ASB4: variants seen among roughly 807,000 people sequenced by gnomAD.
ASB4 encodes ankyrin repeat and SOCS box containing 4.
In ASB4, 35 loss-of-function variants were observed where a neutral mutation model predicts 38.6. That is an observed-to-expected ratio of 0.91 (90% confidence interval 0.69 to 1.20). ASB4 has a LOEUF of 1.20. ASB4 is among the 50% of genes most tolerant of loss of function. The pLI, the probability that ASB4 is intolerant of heterozygous loss-of-function variation, is 0.00. For synonymous variants in ASB4, 195 were observed against 201.3 expected (o/e 0.97, Z 0.26); for missense variants, 557 against 527.2 (o/e 1.06, Z -0.55).
chr7:95,535,690 A>G (rs1449645408), intron 3 of ASB4, among the ~76,000 whole-genome samples: 1 of 152,082 alleles, frequency 6.6e-6, no homozygotes, highest in Non-Finnish European at 1.5e-5. Flanking sequence ...GCTTTCAAGT[A>G]TTTTTGGTTG....
intron 1 of ASB4, among the ~76,000 whole-genome samples, chr7:95,490,460 G>A (rs1311726042): frequency 6.6e-6 from 1 of 152,192 alleles, no homozygotes; most frequent in Non-Finnish European, 1.5e-5. Flanking sequence ...GCCAAGAATT[G>A]TGCTTCAGTC....
At chr7:95,474,233 T>C (rs141658798), upstream of ASB4, among the ~76,000 whole-genome samples, 2 of 152,334 alleles carry the variant, frequency 1.3e-5, no homozygotes, top group African/African-American at 4.8e-5. Flanking sequence ...AGTTTAATAA[T>C]TGTCTCTGCC....
chr7:95,507,619 C>G (rs1481558185), intron 2 of ASB4, among the ~76,000 whole-genome samples: 1 of 152,156 alleles, frequency 6.6e-6, no homozygotes, highest in Admixed American at 6.5e-5. Context: ...TTTTGCTTGG[C>G]AGAGCCCAGT....
chr7:95,518,695 A>G (rs946927486), intron 2 of ASB4, among the ~76,000 whole-genome samples: 3 of 152,246 alleles, frequency 2.0e-5, no homozygotes, highest in Non-Finnish European at 4.4e-5. Flanking sequence ...GAGTCCAACA[A>G]GATGATGTAC....
At chr7:95,524,108 G>C (rs562510813) in intron 2 of ASB4, among the ~76,000 whole-genome samples, 2 of 152,184 alleles carry the variant, frequency 1.3e-5, no homozygotes, top group Non-Finnish European at 2.9e-5. Context: ...TGCATACCCA[G>C]TGACCCAGCA....
downstream of ASB4, among the ~76,000 whole-genome samples, chr7:95,545,041 T>TTTC (rs1015149671): frequency 2.0e-5 from 3 of 151,716 alleles, no homozygotes; most frequent in Admixed American, 2.0e-4. Context: ...GATCCAGCTT[T>TTTC]TTTTTTTTTC....
At chr7:95,532,185 A>T (rs1342901191) in intron 3 of ASB4, among the ~76,000 whole-genome samples, 1 of 152,252 alleles carries the variant, frequency 6.6e-6, no homozygotes, top group Admixed American at 6.5e-5. Context: ...TGACTCATTT[A>T]TCCAGAAGAT....
At chr7:95,501,960 A>C (rs1790344621) in intron 2 of ASB4, among the ~76,000 whole-genome samples, 1 of 152,204 alleles carries the variant, frequency 6.6e-6, no homozygotes, top group African/African-American at 2.4e-5. Context: ...GAGATAAATT[A>C]GAGAAAGCAA....
chr7:95,517,299 G>C (rs1223617478), intron 2 of ASB4, among the ~76,000 whole-genome samples: 1 of 152,116 alleles, frequency 6.6e-6, no homozygotes, highest in Non-Finnish European at 1.5e-5. Flanking sequence ...CTCCCCAAAT[G>C]CTGGGACTAC....
At chr7:95,505,876 C>A (rs950428972) in intron 2 of ASB4, among the ~76,000 whole-genome samples, 1 of 151,920 alleles carries the variant, frequency 6.6e-6, no homozygotes, top group African/African-American at 2.4e-5. Flanking sequence ...AAGCTTTTGC[C>A]AATATTTTTA....
At chr7:95,549,055 G>C in the ASB4 span, among the ~76,000 whole-genome samples, 7 of 152,168 alleles carry the variant, frequency 4.6e-5, no homozygotes, top group African/African-American at 1.7e-4. Context: ...ATGCTATCCT[G>C]TTTCTTATGA....
intron 3 of ASB4, among the ~76,000 whole-genome samples, chr7:95,529,249 C>T (rs990648766): frequency 3.3e-5 from 5 of 152,104 alleles, no homozygotes; most frequent in African/African-American, 9.7e-5. Context: ...TGCATTTTAC[C>T]TGAAAATAAA....
At chr7:95,526,006 A>G (rs999692610) in intron 2 of ASB4, among the ~76,000 whole-genome samples, 1 of 152,244 alleles carries the variant, frequency 6.6e-6, no homozygotes, top group African/African-American at 2.4e-5. Context: ...AAGGGCATAA[A>G]GGAACAATAC....
intron 2 of ASB4, among the ~76,000 whole-genome samples, chr7:95,507,873 C>A (rs1334685595): frequency 6.6e-6 from 1 of 152,030 alleles, no homozygotes; most frequent in African/African-American, 2.4e-5. Context: ...TAAACAGCTG[C>A]TATTGGATTT....
chr7:95,481,118 T>A (rs934701130), upstream of ASB4, among the ~76,000 whole-genome samples: 8 of 151,432 alleles, frequency 5.3e-5, no homozygotes, highest in Non-Finnish European at 1.2e-4. Context: ...ATCTGTAAAC[T>A]AGAAATAATG....
rs750599766 is a variant in ASB4 at position 95,515,219 on chromosome 7, T to TTC, written c.488-12592_488-12591dup. On this transcript the variant is annotated intron_variant, in intron 2 of 4. Transcript: ENST00000325885. Reference sequence around the variant, plus strand: ...TTTCTTTCTTTCTTTCTTTCTTTCTTTCTTTCTTTCTTTTTCTTTCTTTCT... The same window carrying TTC: ...TTTCTTTCTTTCTTTCTTTCTTTCTTTCTCTTTCTTTCTTTTTCTTTCTTTCT... Among the ~76,000 whole-genome samples the TTC allele has an allele frequency of 4.6e-3, 599 of 130,954 alleles. 8 individuals are homozygous for TTC. The highest frequency in any genetic ancestry group is 0.019 in the African/African-American group (575 of 31,002). The allele number at this position is 130,954 out of a possible 152,430, so 85.9% of individuals were successfully genotyped here.
chr7:95,500,883 C>T (rs909090375), intron 2 of ASB4, among the ~76,000 whole-genome samples: 11 of 152,112 alleles, frequency 7.2e-5, no homozygotes, highest in Non-Finnish European at 1.5e-4. Flanking sequence ...TGCTCTTCTT[C>T]GCTTTTGCAG....
At chr7:95,530,248 T>C (rs1327294473) in intron 3 of ASB4, among the ~76,000 whole-genome samples, 2 of 151,176 alleles carry the variant, frequency 1.3e-5, no homozygotes, top group Admixed American at 1.3e-4. Flanking sequence ...ATTGCTTGAG[T>C]TCAGGAGTTC....
At chr7:95,531,602 CAT>C (rs1229364638) in intron 3 of ASB4, among the ~76,000 whole-genome samples, 1 of 152,208 alleles carries the variant, frequency 6.6e-6, no homozygotes, top group Non-Finnish European at 1.5e-5. Flanking sequence ...TATTCTTAAA[CAT>C]GTGTTGAGCA....
Sources: allele counts gnomAD v4.1 joint callset (sites outside exome capture counted in the v4.1 genomes callset), GRCh38; gene constraint gnomAD v4.1.1; transcripts MANE v1.5; gene names NCBI Gene and HGNC (gene_info 2026-07-23, HGNC 2026-07-21).